The following HDAC9 variants were observed in gnomAD, a reference collection of about 807,000 sequenced individuals.
HDAC9 encodes the protein histone deacetylase 9.
In HDAC9, 41 loss-of-function variants were observed where a neutral mutation model predicts 139.4. The ratio of observed to expected loss-of-function variants is 0.29; its 90% confidence interval spans 0.23 to 0.38. HDAC9 has a LOEUF of 0.38. Among genes scored for constraint, HDAC9 ranks in the 10% least tolerant of loss-of-function variants. The pLI is 1.00. For synonymous variants in HDAC9, 517 were observed against 476.2 expected (o/e 1.09, Z -1.12); for missense variants, 1,147 against 1,297.0 (o/e 0.88, Z 1.78).
intron 2 of HDAC9, among the ~76,000 whole-genome samples, chr7:18,512,017 C>CAA (rs11337572): frequency 7.9e-4 from 76 of 96,560 alleles, no homozygotes; most frequent in East Asian, 2.9e-3. Flanking sequence ...ATGAATTAAG[C>CAA]AAAAAAAAAA....
intron 2 of HDAC9, among the ~76,000 whole-genome samples, chr7:18,197,414 G>A (rs1230359921): frequency 6.6e-6 from 1 of 152,190 alleles, no homozygotes; most frequent in East Asian, 1.9e-4. Flanking sequence ...TTTTGATTTT[G>A]TTGACTCTGA....
intron 23 of HDAC9, among the ~76,000 whole-genome samples, chr7:18,945,842 T>C (rs2528408): frequency 5.9e-5 from 9 of 151,286 alleles, no homozygotes; most frequent in Non-Finnish European, 1.2e-4. Context: ...TTTGAGACCA[T>C]CCTAACCAAC....
chr7:18,965,600 A>C lies in HDAC9; in HGVS notation c.3023-10206A>C, dbSNP rs1381986339. Among the ~76,000 whole-genome samples the C allele has an allele frequency of 2.6e-5, 4 of 152,242 alleles. No individual in the cohort carries two copies. The South Asian group carries it at 8.3e-4, about 32-fold the overall frequency. ...AAAGAAATGAAGTGTCATTTGTTCA[A>C]CTATCCTTGTAGGTATCTAGAGTTT... On this transcript the variant is annotated intron_variant, in intron 24 of 25. Coordinates refer to ENST00000686413, the MANE Select transcript of HDAC9 (RefSeq NM_178425.4).
At chr7:18,132,304 C>G (rs986667791) in intron 1 of HDAC9, among the ~76,000 whole-genome samples, 1 of 152,148 alleles carries the variant, frequency 6.6e-6, no homozygotes, top group Non-Finnish European at 1.5e-5. Context: ...TTTAGAAACT[C>G]TCATAAGATT....
At chr7:18,334,693 G>A (rs187868752) in intron 1 of HDAC9, among the ~76,000 whole-genome samples, 8 of 151,610 alleles carry the variant, frequency 5.3e-5, no homozygotes, top group African/African-American at 1.7e-4. Context: ...AAAAAGAATA[G>A]GAACAAAGAT....
rs143737898 is a variant in HDAC9 at position 18,598,207 on chromosome 7, A to C, written c.664+4178A>C. Among the ~76,000 whole-genome samples the C allele has an allele frequency of 4.9e-3, 750 of 152,284 alleles. 3 individuals carry two copies. The highest frequency in any genetic ancestry group is 0.017 in the African/African-American group (711 of 41,552). ...TGAATTGCATACATGAACATTATAC[A>C]CATTTCTGCAAAGATATCATTAAAG... is the stretch of plus-strand genomic sequence containing the variant. On this transcript the variant is annotated intron_variant, in intron 6 of 25. Transcript: ENST00000686413.
intron 2 of HDAC9, among the ~76,000 whole-genome samples, chr7:18,173,381 A>C (rs1463981683): frequency 1.3e-5 from 2 of 152,128 alleles, no homozygotes; most frequent in African/African-American, 4.8e-5. Context: ...AATACATCAC[A>C]CTGATGGGTC....
At chr7:18,754,271 T>C (rs751216765) in intron 14 of HDAC9, among the ~76,000 whole-genome samples, 13 of 152,034 alleles carry the variant, frequency 8.6e-5, no homozygotes, top group Non-Finnish European at 1.6e-4. Flanking sequence ...GGAGGGGTTA[T>C]TTGGTGTCCT....
chr7:18,652,850 G>T (rs1789753817), intron 11 of HDAC9, among the ~76,000 whole-genome samples: 1 of 152,012 alleles, frequency 6.6e-6, no homozygotes, highest in Non-Finnish European at 1.5e-5. Flanking sequence ...ATTAAATACT[G>T]TGTGCAGACA....
rs115219442 is a variant in HDAC9 at position 18,226,962 on chromosome 7, G to A, written c.25+64613G>A. 1.1e-4 allele frequency among the ~76,000 whole-genome samples: 16 copies of A among 152,296 alleles called. No homozygotes were observed. The South Asian group carries it at 3.3e-3, about 32-fold the overall frequency. On this transcript the variant is annotated intron_variant, in intron 2 of 12. Coordinates refer to the HDAC9 transcript ENST00000417496. ...AATCATTCTAACTGTAATTTGGAGG[G>A]AAGCAAAGCTAGAGAGAGGAAGATC...
Position 18,997,078 on chromosome 7 carries a change from TCTTATTA to T in HDAC9, c.*1020_*1026del, listed in dbSNP as rs1786507551. On this transcript the variant is annotated 3_prime_UTR_variant, in exon 26 of 26. Coordinates refer to ENST00000686413, the MANE Select transcript of HDAC9 (RefSeq NM_178425.4). ...AAACTGAAGATTACCCATAATCTCC[TCTTATTA>T]CTTGAGGGCCTTGACTATTTAGTTT... The T allele has an allele frequency of 6.6e-6, 1 of 152,198 alleles. No homozygotes were observed. The highest frequency in any genetic ancestry group is 1.5e-5 in the Non-Finnish European group (1 of 68,038). The allele number at this position is 152,198 out of a possible 1,614,324, so 9.4% of individuals were successfully genotyped here. A position where few individuals can be genotyped will look rare whatever the true frequency, so the allele number is the denominator to read the frequency against.
intron 1 of HDAC9, among the ~76,000 whole-genome samples, chr7:18,326,012 C>T (rs1413056362): frequency 1.3e-5 from 2 of 152,106 alleles, no homozygotes; most frequent in African/African-American, 2.4e-5. Context: ...CCACACATCA[C>T]TGTATTTAAC....
chr7:18,996,154 G>A lies in HDAC9; in HGVS notation c.*92G>A. 1.1e-6 allele frequency: 1 copy of A among 889,440 alleles called. No individual in the cohort carries two copies. The highest frequency in any genetic ancestry group is 1.8e-6 in the Non-Finnish European group (1 of 562,272). The allele number at this position is 889,440 out of a possible 1,614,324, so 55.1% of individuals were successfully genotyped here. A position where few individuals can be genotyped will look rare whatever the true frequency, so the allele number is the denominator to read the frequency against. ...CTCAGACATGTCTTGTCTGCTGCCT[G>A]GGTGGCACAGATTCAATGGAACATA... On this transcript the variant is annotated 3_prime_UTR_variant, in exon 26 of 26. Transcript: ENST00000686413.
chr7:18,701,927 T>C (rs1339286816), intron 12 of HDAC9, among the ~76,000 whole-genome samples: 1 of 152,254 alleles, frequency 6.6e-6, no homozygotes, highest in East Asian at 1.9e-4. Context: ...GTTTTCTGTG[T>C]TTCCATAGGG....
At chr7:18,784,015 G>A (rs1007786553) in intron 16 of HDAC9, among the ~76,000 whole-genome samples, 3 of 152,020 alleles carry the variant, frequency 2.0e-5, no homozygotes, top group Non-Finnish European at 2.9e-5. Flanking sequence ...CCAGTTACCT[G>A]ACATTATGTC....
intron 11 of HDAC9, among the ~76,000 whole-genome samples, chr7:18,658,373 T>A (rs10276216): frequency 0.024 from 3,705 of 152,152 alleles, 171 homozygotes; most frequent in African/African-American, 0.084. Context: ...GGAACACTTA[T>A]TGAAGTTACT....
Position 18,579,349 on chromosome 7 carries a change from T to C in HDAC9, c.23-5932T>C, listed in dbSNP as rs994955264. ...CATTAAGGAAGCCTTGAGACAGCTA[T>C]TCCACAATATTTTCTGGACCCTGAA... is the stretch of plus-strand genomic sequence containing the variant. On this transcript the variant is annotated intron_variant, in intron 2 of 25. Transcript: ENST00000686413. Among the ~76,000 whole-genome samples, 4 of 152,216 alleles carry C rather than the reference T, an allele frequency of 2.6e-5. No individual in the cohort carries two copies. The East Asian group carries it at 7.7e-4, about 29-fold the overall frequency.
chr7:18,518,971 A>G (rs1181396052), intron 2 of HDAC9, among the ~76,000 whole-genome samples: 1 of 152,236 alleles, frequency 6.6e-6, no homozygotes, highest in African/African-American at 2.4e-5. Context: ...ATAGTGTGGT[A>G]GAAATTGAAT....
At chr7:18,641,317 C>A (rs1289531584) in intron 8 of HDAC9, among the ~76,000 whole-genome samples, 1 of 151,938 alleles carries the variant, frequency 6.6e-6, no homozygotes, top group African/African-American at 2.4e-5. Context: ...CCACCCCTAC[C>A]CCAGCACTTG....
Sources: allele counts gnomAD v4.1 joint callset (sites outside exome capture counted in the v4.1 genomes callset), GRCh38; gene constraint gnomAD v4.1.1; transcripts MANE v1.5; gene names NCBI Gene and HGNC (gene_info 2026-07-23, HGNC 2026-07-21).